SGCZ: variants seen among roughly 807,000 people sequenced by gnomAD.
SGCZ encodes the protein zeta-sarcoglycan.
SGCZ carries 40 observed loss-of-function variants against 41.3 expected under a neutral mutation model. The observed-to-expected ratio is 0.97, with a 90% confidence interval of 0.75 to 1.26. The LOEUF is 1.26. Among genes scored for constraint, SGCZ ranks in the 50% most tolerant of loss-of-function variants. SGCZ has a pLI of 0.00. For missense variants in SGCZ, 552 were observed against 369.8 expected, an observed-to-expected ratio of 1.49 and a Z score of -4.04; for synonymous variants, 206 against 137.5, an observed-to-expected ratio of 1.50 and a Z score of -3.49.
chr8:14,506,503 A>T (rs544286259), intron 2 of SGCZ, among the ~76,000 whole-genome samples: 1 of 41,100 alleles, frequency 2.4e-5, no homozygotes, highest in African/African-American at 6.9e-5. Flanking sequence ...TTATTCATTT[A>T]AAAAAAAAAA....
chr8:14,107,215 C>CAAA (rs1802232285), intron 6 of SGCZ, among the ~76,000 whole-genome samples: 1 of 141,406 alleles, frequency 7.1e-6, no homozygotes, highest in Non-Finnish European at 1.5e-5. Flanking sequence ...GACTCCATCT[C>CAAA]AAAAATAAAA....
intron 2 of SGCZ, among the ~76,000 whole-genome samples, chr8:14,348,478 T>G (rs1359496687): frequency 6.6e-6 from 1 of 152,168 alleles, no homozygotes; most frequent in Admixed American, 6.6e-5. Flanking sequence ...TGCAGTATAT[T>G]TGAGTCATAT....
At chr8:14,737,985 AGCAAG>A (rs1313867934) in intron 1 of SGCZ, among the ~76,000 whole-genome samples, 6 of 152,110 alleles carry the variant, frequency 3.9e-5, no homozygotes, top group African/African-American at 1.4e-4. Context: ...GAAGAAAGTA[AGCAAG>A]ATAATAAATA....
chr8:14,847,808 A>C (rs1053313271), intron 1 of SGCZ, among the ~76,000 whole-genome samples: 1 of 149,226 alleles, frequency 6.7e-6, no homozygotes, highest in Admixed American at 6.7e-5. Flanking sequence ...AAAAAAAAAA[A>C]CCTGACTGTT....
At chr8:14,484,341 T>A (rs1801615492) in intron 2 of SGCZ, among the ~76,000 whole-genome samples, 1 of 152,160 alleles carries the variant, frequency 6.6e-6, no homozygotes, top group Non-Finnish European at 1.5e-5. Context: ...ACGATGCAAG[T>A]TAGTGACTCC....
chr8:14,646,172 C>T (rs1171674166), intron 1 of SGCZ, among the ~76,000 whole-genome samples: 1 of 151,812 alleles, frequency 6.6e-6, no homozygotes, highest in Non-Finnish European at 1.5e-5. Flanking sequence ...AGCACAGTAC[C>T]CACAAGTAGT....
intron 2 of SGCZ, among the ~76,000 whole-genome samples, chr8:14,548,276 G>A (rs549314305): frequency 3.3e-5 from 5 of 152,230 alleles, no homozygotes; most frequent in Non-Finnish European, 7.4e-5. Context: ...CTGCTGAAAG[G>A]TTAGTTGGAG....
At chr8:14,795,619 G>A (rs772743124) in intron 1 of SGCZ, among the ~76,000 whole-genome samples, 7 of 151,954 alleles carry the variant, frequency 4.6e-5, no homozygotes, top group Non-Finnish European at 8.8e-5. Context: ...TGCAAATTAA[G>A]CCCTCATATT....
chr8:14,199,141 C>T (rs139064652), intron 4 of SGCZ, among the ~76,000 whole-genome samples: 1 of 152,168 alleles, frequency 6.6e-6, no homozygotes, highest in East Asian at 1.9e-4. Flanking sequence ...CTTTCAAAAG[C>T]AAATGGGAGA....
chr8:14,518,947 C>A (rs1008776066), intron 2 of SGCZ, among the ~76,000 whole-genome samples: 1 of 149,214 alleles, frequency 6.7e-6, no homozygotes, highest in African/African-American at 2.5e-5. Flanking sequence ...CACATGCCTG[C>A]GGTCCCAGAT....
At chr8:14,604,652 C>G (rs1052452244) in intron 1 of SGCZ, among the ~76,000 whole-genome samples, 1 of 152,112 alleles carries the variant, frequency 6.6e-6, no homozygotes, top group East Asian at 1.9e-4. Flanking sequence ...TGCCACAGCT[C>G]ATAGTATTGT....
rs747349226 is a variant in SGCZ, at chr8:15,108,534, C to CA, written c.39+129050dup. 7.2e-5 allele frequency among the ~76,000 whole-genome samples: 11 copies of CA among 152,046 alleles called. 1 individual carries two copies. The highest frequency in any genetic ancestry group is 1.6e-4 in the Non-Finnish European group (11 of 68,010). ...CCATTGAACAACTGTGCTAAGAGCT[C>CA]AGAACACAAAATGGGTAAGAAAGGG... On this transcript the variant is annotated intron_variant, in intron 1 of 7. Coordinates refer to ENST00000382080, the MANE Select transcript of SGCZ (RefSeq NM_139167.4).
chr8:14,618,675 G>C (rs1057319752), intron 1 of SGCZ, among the ~76,000 whole-genome samples: 1 of 152,154 alleles, frequency 6.6e-6, no homozygotes, highest in South Asian at 2.1e-4. Flanking sequence ...TATGTAGGAA[G>C]TTTTGTGTAG....
intron 2 of SGCZ, among the ~76,000 whole-genome samples, chr8:14,365,126 T>A (rs537897936): frequency 2.6e-5 from 4 of 152,180 alleles, no homozygotes; most frequent in African/African-American, 9.6e-5. Context: ...TATATGTTAT[T>A]ACAGTGATAT....
chr8:14,561,320 G>A (rs555972327), intron 1 of SGCZ, among the ~76,000 whole-genome samples: 12 of 152,148 alleles, frequency 7.9e-5, no homozygotes, highest in African/African-American at 2.9e-4. Flanking sequence ...CATTCTAATG[G>A]AATCTACCAA....
At chr8:14,655,393 A>G (rs1807534624) in intron 1 of SGCZ, among the ~76,000 whole-genome samples, 1 of 152,168 alleles carries the variant, frequency 6.6e-6, no homozygotes, top group Non-Finnish European at 1.5e-5. Flanking sequence ...ATTTATTTGT[A>G]TAACAATTCT....
chr8:14,489,165 A>G (rs1294500886), intron 2 of SGCZ, among the ~76,000 whole-genome samples: 1 of 152,120 alleles, frequency 6.6e-6, no homozygotes, highest in Non-Finnish European at 1.5e-5. Flanking sequence ...AGAATTCATT[A>G]ACAGCGAATT....
chr8:15,062,998 C>G (rs905410795), intron 1 of SGCZ, among the ~76,000 whole-genome samples: 1 of 152,116 alleles, frequency 6.6e-6, no homozygotes, highest in Non-Finnish European at 1.5e-5. Flanking sequence ...ATGGTACTCA[C>G]AGTGTACCTG....
chr8:14,259,600 T>A (rs1233869888), intron 3 of SGCZ, among the ~76,000 whole-genome samples: 1 of 131,010 alleles, frequency 7.6e-6, no homozygotes, highest in South Asian at 2.3e-4. Flanking sequence ...TTGTCAGGTT[T>A]GTCAAAGATC....
Sources: gnomAD v4.1 joint callset for allele counts (sites outside exome capture counted in the v4.1 genomes callset) on GRCh38, gnomAD v4.1.1 for gene constraint, MANE v1.5 for transcripts, NCBI Gene and HGNC (gene_info 2026-07-23, HGNC 2026-07-21) for gene names.